Variants in TENM4 observed in about 807,000 individuals in gnomAD.
TENM4 encodes the protein teneurin transmembrane protein 4, also known as teneurin-4.
TENM4 carries 82 observed loss-of-function variants against 243.3 expected under a neutral mutation model. That is an observed-to-expected ratio of 0.34 (90% CI 0.28 to 0.40). The LOEUF is 0.40. Ranked by LOEUF, TENM4 falls within the 10% of genes least tolerant of loss-of-function variation. The pLI is 1.00. For synonymous variants in TENM4, 1,412 were observed against 1,456.3 expected, an observed-to-expected ratio of 0.97 and a Z score of 0.69; for missense variants, 3,138 against 3,673.3, an observed-to-expected ratio of 0.85 and a Z score of 3.77.
intron 4 of TENM4, among the ~76,000 whole-genome samples, chr11:79,148,255 C>A (rs1430320304): frequency 6.6e-6 from 1 of 152,076 alleles, no homozygotes; most frequent in East Asian, 1.9e-4. Context: ...TTTACATTCA[C>A]CTATTTTAGG....
chr11:79,089,592 A>G (rs11237716), intron 4 of TENM4, among the ~76,000 whole-genome samples: 27,109 of 152,088 alleles, frequency 0.18, 2,580 homozygotes, highest in Middle Eastern at 0.36. Flanking sequence ...CCAAAGAAGC[A>G]GGTTTCATAT....
Position 78,953,815 on chromosome 11 carries a change from A to G in TENM4, c.494-50292T>C, listed in dbSNP as rs571499669. Among the ~76,000 whole-genome samples, 5 of 152,254 alleles carry G rather than the reference A, an allele frequency of 3.3e-5. No individual in the cohort carries two copies. The South Asian group carries it at 1.0e-3, about 32-fold the overall frequency. ...TGTTGCGGGGAGGGTCCTGGAACCA[A>G]TCCCCTGTGGATCAAGAGAGAAGAC... On this transcript the variant is annotated intron_variant, in intron 6 of 33. Transcript: ENST00000278550.
In TENM4 at chr11:78,768,841, T is replaced by C. The variant is rs187286271; in HGVS notation, c.2539+2151A>G. On this transcript the variant is annotated intron_variant, in intron 18 of 33. Coordinates refer to ENST00000278550, the MANE Select transcript of TENM4 (RefSeq NM_001098816.3). ...CCCCCGAGCTGTGGGCTTTGGGCTA[T>C]GGTATGCCTATGCCCCATGTTACCA... 4.7e-3 allele frequency among the ~76,000 whole-genome samples: 710 copies of C among 152,292 alleles called. 3 individuals are homozygous for C. Among genetic ancestry groups the C allele is most frequent in the African/African-American group, 0.016 (654 of 41,558 alleles).
At chr11:79,382,716 TGTTTCCCGAGAAGAGGCTGG>T (rs1354905657) in intron 1 of TENM4, among the ~76,000 whole-genome samples, 1 of 152,004 alleles carries the variant, frequency 6.6e-6, no homozygotes, top group Admixed American at 6.5e-5. Flanking sequence ...CCGTGAGATT[TGTTTCCCGAGAAGAGGCTGG>T]GAGCCTCTTC....
chr11:79,051,670 T>C (rs574418293), intron 6 of TENM4, among the ~76,000 whole-genome samples: 3 of 152,204 alleles, frequency 2.0e-5, no homozygotes, highest in East Asian at 1.9e-4. Flanking sequence ...GTTTTTCTTC[T>C]TCAACTTTTA....
At chr11:79,226,393 C>A (rs118140479) in intron 2 of TENM4, among the ~76,000 whole-genome samples, 1 of 152,156 alleles carries the variant, frequency 6.6e-6, no homozygotes, top group African/African-American at 2.4e-5. Flanking sequence ...TCTGAGGGAA[C>A]GCAAGCTGGA....
chr11:79,367,577 G>A (rs1366104843), intron 1 of TENM4, among the ~76,000 whole-genome samples: 1 of 152,122 alleles, frequency 6.6e-6, no homozygotes, highest in East Asian at 1.9e-4. Flanking sequence ...AGCTACTTGT[G>A]AAAGGAAAAA....
At chr11:79,153,035 G>A (rs72935357) in intron 3 of TENM4, among the ~76,000 whole-genome samples, 8,438 of 152,198 alleles carry the variant, frequency 0.055, 340 homozygotes, top group Non-Finnish European at 0.079. Context: ...GCCTTACTGC[G>A]GGGAAAGTTT....
At chr11:78,809,405 G>A (rs2136094756) in intron 14 of TENM4, among the ~76,000 whole-genome samples, 1 of 152,360 alleles carries the variant, frequency 6.6e-6, no homozygotes. Flanking sequence ...TGAGGTTCCT[G>A]CTGGGGCTGG....
At chr11:78,899,571 G>GGGA (rs1565430077) in intron 7 of TENM4, among the ~76,000 whole-genome samples, 2 of 79,376 alleles carry the variant, frequency 2.5e-5, no homozygotes, top group Admixed American at 1.5e-4. Context: ...GGGGGGGGGG[G>GGGA]AAAAAGAAAA....
chr11:78,998,861 G>A (rs1858242940), intron 6 of TENM4, among the ~76,000 whole-genome samples: 1 of 152,222 alleles, frequency 6.6e-6, no homozygotes. Flanking sequence ...GGAGTCCAGA[G>A]AGGTTCCAGA....
chr11:79,438,479 G>A lies in TENM4; in HGVS notation c.-321+2030C>T, dbSNP rs1406790466. Among the ~76,000 whole-genome samples, 5 of 152,172 alleles carry A rather than the reference G, an allele frequency of 3.3e-5. No homozygotes were observed. The highest frequency in any genetic ancestry group is 4.8e-5 in the African/African-American group (2 of 41,452). On this transcript the variant is annotated intron_variant, in intron 1 of 33. Coordinates refer to ENST00000278550, the MANE Select transcript of TENM4 (RefSeq NM_001098816.3). This position sits in a 1 kb window ranked among gnomAD's most constrained non-coding sequence, Gnocchi z 4.1. ...GGCTAGCGCAGGAAACCAGGAATAG[G>A]TGTAGGTAAGGGTGGCAGCCCGGCA...
intron 6 of TENM4, among the ~76,000 whole-genome samples, chr11:78,932,957 G>T (rs1011814919): frequency 4.6e-5 from 7 of 152,142 alleles, no homozygotes; most frequent in Non-Finnish European, 1.0e-4. Context: ...CCCAGGGTTG[G>T]GGACTCTTGC....
At chr11:79,335,530 G>C (rs1341005022) in intron 1 of TENM4, among the ~76,000 whole-genome samples, 1 of 152,154 alleles carries the variant, frequency 6.6e-6, no homozygotes, top group East Asian at 1.9e-4. Context: ...TTCCTACTCA[G>C]CTTAGGGGGA....
rs542730826 is a variant in TENM4 at position 78,702,544 on chromosome 11, A to G, written c.4210-141T>C. 11 of 1,035,524 alleles carry G rather than the reference A, an allele frequency of 1.1e-5. No homozygotes were observed. In the African/African-American group the frequency reaches 1.4e-4, roughly 14 times the overall value. The allele number at this position is 1,035,524 out of a possible 1,614,324, so 64.1% of individuals were successfully genotyped here. Reference sequence around the variant, plus strand: ...GATCCTCATGCAGCCTATCATCAACAATGAAGCGTCAGCCCCCTGATCACC... The same window carrying G: ...GATCCTCATGCAGCCTATCATCAACGATGAAGCGTCAGCCCCCTGATCACC... On this transcript the variant is annotated intron_variant, in intron 27 of 33. Coordinates refer to ENST00000278550, the MANE Select transcript of TENM4 (RefSeq NM_001098816.3).
intron 1 of TENM4, among the ~76,000 whole-genome samples, chr11:79,412,414 T>C (rs995022239): frequency 6.6e-6 from 1 of 152,176 alleles, no homozygotes; most frequent in Non-Finnish European, 1.5e-5. Flanking sequence ...GTGATTTCCC[T>C]GACTTTGGAA....
chr11:78,932,514 G>C (rs1244274189), intron 6 of TENM4, among the ~76,000 whole-genome samples: 2 of 152,128 alleles, frequency 1.3e-5, no homozygotes, highest in African/African-American at 2.4e-5. Context: ...TCACTTGATG[G>C]GGGGAGAGCT....
At chr11:79,419,648 T>G (rs1858890410) in intron 1 of TENM4, among the ~76,000 whole-genome samples, 2 of 152,248 alleles carry the variant, frequency 1.3e-5, no homozygotes, top group African/African-American at 4.8e-5. Context: ...TGACATTTCC[T>G]AGTTTCATTT....
At chr11:79,059,577 G>C (rs1860035175) in intron 6 of TENM4, among the ~76,000 whole-genome samples, 1 of 152,180 alleles carries the variant, frequency 6.6e-6, no homozygotes, top group Non-Finnish European at 1.5e-5. Flanking sequence ...TGCTGTTTTT[G>C]TAATTTTTTA....
Sources: allele counts gnomAD v4.1 joint callset (sites outside exome capture counted in the v4.1 genomes callset), GRCh38; gene constraint gnomAD v4.1.1; non-coding constraint Gnocchi (gnomAD v3.1); transcripts MANE v1.5; gene names NCBI Gene and HGNC (gene_info 2026-07-23, HGNC 2026-07-21).